Variants in TDRP observed in about 807,000 individuals in gnomAD.
TDRP encodes testis development-related protein.
A neutral mutation model predicts 10.5 loss-of-function variants in TDRP; 12 were observed. The observed-to-expected ratio is 1.15, with a 90% CI of 0.73 to 1.86. TDRP has a LOEUF of 1.86. TDRP is among the 40% of genes most tolerant of loss of function. The pLI is 0.00. For missense variants in TDRP, 353 were observed against 229.2 expected, an observed-to-expected ratio of 1.54 and a Z score of -3.49; for synonymous variants, 139 against 95.4, an observed-to-expected ratio of 1.46 and a Z score of -2.67.
chr8:512,572 T>C (rs988699148), intron 1 of TDRP, among the ~76,000 whole-genome samples: 2 of 151,490 alleles, frequency 1.3e-5, no homozygotes, highest in African/African-American at 4.8e-5. Flanking sequence ...AAAGAAACAT[T>C]GTCCATCAAA....
intron 1 of TDRP, among the ~76,000 whole-genome samples, chr8:533,651 A>T (rs1034473815): frequency 1.3e-5 from 2 of 152,222 alleles, no homozygotes; most frequent in Admixed American, 1.3e-4. Flanking sequence ...GAATTCTTCA[A>T]CATTCAGCTA....
chr8:539,886 T>A (rs1229551633), intron 1 of TDRP, among the ~76,000 whole-genome samples: 1 of 152,238 alleles, frequency 6.6e-6, no homozygotes. Context: ...TCTCCAAGCA[T>A]GATTTTAAAA....
At chr8:505,188 A>C (rs1241673449) in intron 1 of TDRP, among the ~76,000 whole-genome samples, 1 of 152,248 alleles carries the variant, frequency 6.6e-6, no homozygotes, top group Non-Finnish European at 1.5e-5. Context: ...CCACAGACCT[A>C]AAACAGCTAT....
intron 1 of TDRP, among the ~76,000 whole-genome samples, chr8:504,681 A>C (rs1801407662): frequency 6.6e-6 from 1 of 152,222 alleles, no homozygotes; most frequent in African/African-American, 2.4e-5. Flanking sequence ...TGTAAGAATC[A>C]CCAGGTTACA....
At chr8:506,461 G>T (rs1801467656) in intron 1 of TDRP, among the ~76,000 whole-genome samples, 1 of 152,248 alleles carries the variant, frequency 6.6e-6, no homozygotes, top group Non-Finnish European at 1.5e-5. Context: ...GCCTGTGGCT[G>T]ACACTAAGCC....
intron 1 of TDRP, among the ~76,000 whole-genome samples, chr8:507,009 G>T (rs753459488): frequency 1.3e-5 from 2 of 152,314 alleles, no homozygotes; most frequent in African/African-American, 4.8e-5. Context: ...AGTTCTGCAA[G>T]CTTAACAGGA....
intron 1 of TDRP, among the ~76,000 whole-genome samples, chr8:506,022 G>A (rs915260254): frequency 6.6e-6 from 1 of 152,122 alleles, no homozygotes; most frequent in African/African-American, 2.4e-5. Context: ...AATGGCTGGG[G>A]GTCTGGGTGT....
intron 1 of TDRP, among the ~76,000 whole-genome samples, chr8:516,427 C>G (rs930660949): frequency 4.6e-5 from 7 of 152,172 alleles, no homozygotes; most frequent in African/African-American, 1.7e-4. Flanking sequence ...AATAAGAAAA[C>G]AGCCCTATAA....
At chr8:501,988 G>A (rs1383077179) in intron 1 of TDRP, among the ~76,000 whole-genome samples, 1 of 152,194 alleles carries the variant, frequency 6.6e-6, no homozygotes, top group Non-Finnish European at 1.5e-5. Flanking sequence ...AAGCTGTTCT[G>A]GGGGTGGTGA....
intron 1 of TDRP, among the ~76,000 whole-genome samples, chr8:508,296 G>T (rs950290043): frequency 6.6e-6 from 1 of 152,178 alleles, no homozygotes; most frequent in Admixed American, 6.5e-5. Flanking sequence ...TGAACTTGAA[G>T]ACAGACTGCT....
In TDRP at chr8:490,916, G is replaced by A. The variant is rs1338121402; in HGVS notation, c.*1483C>T. ...GTAGATGATTGACAGAAGGCTAGAT[G>A]GATGTAGACTGAGAGAAGACAGACA... is the stretch of plus-strand genomic sequence containing the variant. On this transcript the variant is annotated 3_prime_UTR_variant, in exon 3 of 3. Transcript: ENST00000324079. 6.6e-6 allele frequency: 1 copy of A among 152,196 alleles called. No homozygotes were observed. The highest frequency in any genetic ancestry group is 1.5e-5 in the Non-Finnish European group (1 of 68,038). 9.4% of individuals were successfully genotyped at this position (152,196 alleles called of 1,614,324 possible). A position where few individuals can be genotyped will look rare whatever the true frequency, so the allele number is the denominator to read the frequency against.
Position 491,906 on chromosome 8 carries a change from T to C in TDRP, c.*493A>G, listed in dbSNP as rs187619008. 6 of 1,155,400 alleles carry C rather than the reference T, an allele frequency of 5.2e-6. No homozygotes were observed. In the East Asian group the frequency reaches 2.1e-4, roughly 41 times the overall value. 71.6% of individuals were successfully genotyped at this position (1,155,400 alleles called of 1,614,324 possible). On this transcript the variant is annotated 3_prime_UTR_variant, in exon 3 of 3. Transcript: ENST00000324079. ...CGTATTTGTTTAATAAGAACAAAGT[T>C]TAATTTGTCAAGTTAAACAAAATTT...
At chr8:521,129 G>GCAGCAGCTCACACCTGTAATCC (rs1301251372) in intron 1 of TDRP, among the ~76,000 whole-genome samples, 1 of 151,634 alleles carries the variant, frequency 6.6e-6, no homozygotes, top group East Asian at 1.9e-4. Context: ...TTGGCAGGGA[G>GCAGCAGCTCACACCTGTAATCC]CAGCAGCTCA....
Position 492,602 on chromosome 8 carries a change from T to C in TDRP, c.355A>G (p.Ile119Val), listed in dbSNP as rs986492053. 1.9e-6 allele frequency: 3 copies of C among 1,614,022 alleles called. No individual in the cohort carries two copies. The highest frequency in any genetic ancestry group is 2.2e-5 in the South Asian group (2 of 91,078). Residue 119 changes from isoleucine to valine, a missense_variant, in exon 3 of 3, where the codon ATA becomes GTA. Transcript: ENST00000324079. ...WEPPKLALED[I>V]SADPEDTVGG... is the part of the protein sequence containing the mutation. ...ACGGTGTCCTCAGGGTCAGCCGATA[T>C]GTCTTCAAGAGCAAGTTTTGGAGGC...
At chr8:522,266 C>T (rs145563119) in intron 1 of TDRP, among the ~76,000 whole-genome samples, 1 of 152,196 alleles carries the variant, frequency 6.6e-6, no homozygotes, top group Non-Finnish European at 1.5e-5. Flanking sequence ...TCCTGGTGAA[C>T]TGGCCCCTTT....
At chr8:497,520 T>A (rs1801169220) in intron 1 of TDRP, among the ~76,000 whole-genome samples, 1 of 152,092 alleles carries the variant, frequency 6.6e-6, no homozygotes, top group Admixed American at 6.5e-5. Context: ...AAAGAGATGG[T>A]CTGAAATTGG....
chr8:541,762 G>A (rs970446356), intron 1 of TDRP, among the ~76,000 whole-genome samples: 8 of 152,176 alleles, frequency 5.3e-5, no homozygotes, highest in Non-Finnish European at 7.3e-5. Flanking sequence ...ACCAAATGCT[G>A]GCAAGGAGGT....
chr8:500,814 G>C (rs1801271126), intron 1 of TDRP, among the ~76,000 whole-genome samples: 1 of 152,192 alleles, frequency 6.6e-6, no homozygotes, highest in South Asian at 2.1e-4. Flanking sequence ...CAGCAAGGCT[G>C]AACAGTGACA....
At chr8:517,688 G>T (rs570879511) in intron 1 of TDRP, among the ~76,000 whole-genome samples, 16 of 152,304 alleles carry the variant, frequency 1.1e-4, no homozygotes, top group African/African-American at 3.8e-4. Flanking sequence ...CCCCTAAAAT[G>T]TAGAAAATCA....
Sources: gnomAD v4.1 joint callset for allele counts (sites outside exome capture counted in the v4.1 genomes callset) on GRCh38, gnomAD v4.1.1 for gene constraint, MANE v1.5 for transcripts, NCBI Gene and HGNC (gene_info 2026-07-23, HGNC 2026-07-21) for gene names.